COL9A1: variants seen among roughly 807,000 people sequenced by gnomAD.
The protein encoded by COL9A1 is collagen alpha-1(IX) chain.
A neutral mutation model predicts 142.6 loss-of-function variants in COL9A1; 104 were observed. The observed-to-expected ratio is 0.73, with a 90% confidence interval of 0.62 to 0.86. The LOEUF (loss-of-function observed/expected upper bound fraction) is 0.86. Ranked by LOEUF, COL9A1 falls within the 40% of genes least tolerant of loss-of-function variation. The probability of loss-of-function intolerance (pLI) is 0.00; values close to 1 mark genes in which losing one functional copy is unlikely to be tolerated. For synonymous variants in COL9A1, 466 were observed against 396.0 expected (o/e 1.18, Z -2.10); for missense variants, 1,210 against 1,176.6 (o/e 1.03, Z -0.42).
At chr6:70,264,735 G>C (rs1771906455) in intron 18 of COL9A1, among the ~76,000 whole-genome samples, 1 of 152,022 alleles carries the variant, frequency 6.6e-6, no homozygotes, top group African/African-American at 2.4e-5. Flanking sequence ...TTTAGGAGTA[G>C]CAATTTATTA....
chr6:70,241,887 A>G, intron 30 of COL9A1, 77 bp downstream of exon 30: 1 of 1,351,278 alleles, frequency 7.4e-7, no homozygotes, highest in Admixed American at 2.0e-5. Flanking sequence ...CACAGGGCCA[A>G]AAGCAAGCTT....
At chr6:70,282,864 T>A in intron 7 of COL9A1, 34 bp downstream of exon 7, 2 of 1,614,000 alleles carry the variant, frequency 1.2e-6, no homozygotes, top group Non-Finnish European at 1.7e-6. Flanking sequence ...CGTGTGCGCT[T>A]GAAAAATGCA....
At chr6:70,242,109 TG>T in intron 29 of COL9A1, 74 bp from the exon 30 acceptor site, 3 of 1,289,062 alleles carry the variant, frequency 2.3e-6, no homozygotes, top group Non-Finnish European at 3.3e-6. Context: ...GAAACAACCT[TG>T]GGTGTGTTGA....
downstream of COL9A1, chr6:70,215,957 G>A (rs1199942462): frequency 6.8e-6 from 1 of 146,368 alleles, no homozygotes; most frequent in Non-Finnish European, 1.5e-5. Flanking sequence ...CTGTCACAGG[G>A]TAACACCCTC....
chr6:70,271,459 A>T (rs934431149), intron 14 of COL9A1, among the ~76,000 whole-genome samples, 196 bp downstream of exon 14: 9 of 152,214 alleles, frequency 5.9e-5, no homozygotes, highest in Non-Finnish European at 8.8e-5. Context: ...TAGCTGAAAA[A>T]TTTAGGAAAA....
intron 33 of COL9A1, among the ~76,000 whole-genome samples, chr6:70,235,215 G>T (rs1475851340): frequency 1.3e-5 from 2 of 152,160 alleles, no homozygotes; most frequent in African/African-American, 4.8e-5. Flanking sequence ...GCGCTTGTAG[G>T]AGGCCCATGT....
intron 21 of COL9A1, among the ~76,000 whole-genome samples, chr6:70,256,417 G>C (rs507676): frequency 6.6e-6 from 1 of 151,866 alleles, no homozygotes; most frequent in Non-Finnish European, 1.5e-5. Flanking sequence ...TGGAATAATG[G>C]AGTCAGAAAC....
At chr6:70,225,055 G>A (rs1170367914) in intron 37 of COL9A1, among the ~76,000 whole-genome samples, 2 of 152,094 alleles carry the variant, frequency 1.3e-5, no homozygotes, top group African/African-American at 2.4e-5. Context: ...ACTTCCCTAA[G>A]CCAAGTTTTC....
Position 70,234,572 on chromosome 6 carries a change from G to T in COL9A1, c.2281C>A (p.His761Asn). 1 of 1,614,176 alleles carries T rather than the reference G, an allele frequency of 6.2e-7. No individual in the cohort carries two copies. The highest frequency in any genetic ancestry group is 8.5e-7 in the Non-Finnish European group (1 of 1,180,022). Residue 761 changes from histidine to asparagine, a missense_variant, in exon 35 of 38, where the codon CAC becomes AAC. His to Asn is a moderately conservative substitution (Grantham distance 68). Transcript: ENST00000357250. Reference protein sequence around the residue: ...GPPGRAPTDQHIKQVCMRVIQ... With the variant: ...GPPGRAPTDQNIKQVCMRVIQ... ...ACTCTCATGCAAACCTGCTTAATGT[G>T]CTGATCTGTCGGTGCTCTACCCTGG...
At position 70,270,804 on chromosome 6, in the gene COL9A1, C is replaced by T. The variant is rs543298077; in HGVS notation, c.1144-437G>A. Among the ~76,000 whole-genome samples, 175 of 152,348 alleles carry T rather than the reference C, an allele frequency of 1.1e-3. 1 individual carries two copies. The highest frequency in any genetic ancestry group is 4.1e-3 in the African/African-American group (171 of 41,594). Reference sequence around the variant, plus strand: ...AATGGAAGGTTAATCTCTGCAGTGCCTGACTCTTGCAAGTGCTGTTCACCC... The same window carrying T: ...AATGGAAGGTTAATCTCTGCAGTGCTTGACTCTTGCAAGTGCTGTTCACCC... On this transcript the variant is annotated intron_variant, in intron 14 of 37. Coordinates refer to ENST00000357250, the MANE Select transcript of COL9A1 (RefSeq NM_001851.6).
At chr6:70,293,423 A>G (rs1773725442) in intron 5 of COL9A1, among the ~76,000 whole-genome samples, 1 of 152,126 alleles carries the variant, frequency 6.6e-6, no homozygotes, top group African/African-American at 2.4e-5. Context: ...CCTTACCTTT[A>G]TATCTGGGGA....
intron 10 of COL9A1, chr6:70,280,524 G>A (rs989706463): frequency 2.2e-6 from 3 of 1,370,456 alleles, no homozygotes; most frequent in Non-Finnish European, 2.8e-6. Flanking sequence ...AGTTCACAGC[G>A]TGCACTGTGA....
chr6:70,232,359 G>T (rs1769604381), intron 36 of COL9A1, among the ~76,000 whole-genome samples: 1 of 152,152 alleles, frequency 6.6e-6, no homozygotes, highest in South Asian at 2.1e-4. Context: ...AAAAGACACG[G>T]GACTTTAATT....
In COL9A1 at chr6:70,260,650, A is replaced by G; in HGVS notation, c.1449+7T>C. On this transcript the variant is annotated splice_region_variant and intron_variant, in intron 20 of 37. Coordinates refer to ENST00000357250, the MANE Select transcript of COL9A1 (RefSeq NM_001851.6). ...TTGGTATTATATTATTGTCATCACCATCTTACTTTTTCCCCTTTGTCCCCA... is the reference window on the plus strand; with the variant it reads ...TTGGTATTATATTATTGTCATCACCGTCTTACTTTTTCCCCTTTGTCCCCA... 8 of 1,613,298 alleles carry G rather than the reference A, an allele frequency of 5.0e-6. No homozygotes were observed. Among genetic ancestry groups the G allele is most frequent in the Non-Finnish European group, 6.8e-6 (8 of 1,179,510 alleles).
intron 37 of COL9A1, among the ~76,000 whole-genome samples, chr6:70,225,047 T>G (rs1769135521): frequency 6.6e-6 from 1 of 152,222 alleles, no homozygotes; most frequent in African/African-American, 2.4e-5. Flanking sequence ...TTTCCTAAAC[T>G]TCCCTAAGCC....
chr6:70,296,381 A>G (rs1773850395), intron 4 of COL9A1, among the ~76,000 whole-genome samples: 2 of 152,068 alleles, frequency 1.3e-5, no homozygotes. Flanking sequence ...CCTATGTTTT[A>G]TATCCCTCAA....
At position 70,274,779 on chromosome 6, in the gene COL9A1, G is replaced by C; in HGVS notation, c.976-7C>G. ...CATCAGGTCCTGTTAATCCCTAATA[G>C]AGCAAGACAATGATGTTAGAACTAT... On this transcript the variant is annotated splice_region_variant and splice_polypyrimidine_tract_variant and intron_variant, in intron 10 of 37. Transcript: ENST00000357250. The C allele has an allele frequency of 6.2e-7, 1 of 1,610,776 alleles. No individual in the cohort carries two copies. Among genetic ancestry groups the C allele is most frequent in the Non-Finnish European group, 8.5e-7 (1 of 1,177,242 alleles).
At chr6:70,236,995 G>A (rs1439415766) in intron 33 of COL9A1, among the ~76,000 whole-genome samples, 1 of 152,076 alleles carries the variant, frequency 6.6e-6, no homozygotes, top group Non-Finnish European at 1.5e-5. Context: ...CTAACTTTTT[G>A]TATTTTTAGT....
intron 19 of COL9A1, among the ~76,000 whole-genome samples, chr6:70,261,878 C>T (rs779088468): frequency 9.2e-5 from 14 of 152,146 alleles, no homozygotes; most frequent in Admixed American, 1.3e-4. Context: ...TTCCAAGAAG[C>T]ATATTTGTTT....
Sources: allele counts gnomAD v4.1 joint callset (sites outside exome capture counted in the v4.1 genomes callset), GRCh38; gene constraint gnomAD v4.1.1; transcripts MANE v1.5; gene names NCBI Gene and HGNC (gene_info 2026-07-23, HGNC 2026-07-21).